The following CHRM2 variants were observed in gnomAD, a reference collection of about 807,000 sequenced individuals.
CHRM2 encodes muscarinic acetylcholine receptor M2.
Under a neutral mutation model 25.0 loss-of-function variants are expected in CHRM2, and 8 were observed. That is an observed-to-expected ratio of 0.32 (90% CI 0.19 to 0.58). The LOEUF (loss-of-function observed/expected upper bound fraction) is 0.58, where lower values mean the gene tolerates loss of function less well. CHRM2 is among the 20% of genes least tolerant of loss of function. The probability of loss-of-function intolerance (pLI) is 0.88; values close to 1 mark genes in which losing one functional copy is unlikely to be tolerated. For synonymous variants in CHRM2, 202 were observed against 205.7 expected (o/e 0.98, Z 0.15); for missense variants, 440 against 567.1 (o/e 0.78, Z 2.28).
At chr7:136,913,074 ATT>A (rs1196669140) in intron 2 of CHRM2, among the ~76,000 whole-genome samples, 1 of 151,942 alleles carries the variant, frequency 6.6e-6, no homozygotes, top group Non-Finnish European at 1.5e-5. Context: ...TTTATATGTT[ATT>A]TCATAGTAAA....
chr7:136,876,799 C>G (rs1796068965), intron 2 of CHRM2, among the ~76,000 whole-genome samples: 4 of 152,002 alleles, frequency 2.6e-5, no homozygotes, highest in Admixed American at 2.0e-4. Flanking sequence ...GAATATTGAC[C>G]TCTTGGCAGA....
chr7:136,994,725 C>T (rs894688715), intron 3 of CHRM2, among the ~76,000 whole-genome samples: 3 of 151,184 alleles, frequency 2.0e-5, no homozygotes, highest in African/African-American at 4.8e-5. Flanking sequence ...TCAAGTTATA[C>T]ACAATAAAAT....
At chr7:136,931,880 G>T (rs1799126077) in intron 2 of CHRM2, among the ~76,000 whole-genome samples, 2 of 152,178 alleles carry the variant, frequency 1.3e-5, no homozygotes, top group South Asian at 4.1e-4. Flanking sequence ...TCAGTAGATT[G>T]ATCAGAGATA....
chr7:136,892,459 A>C (rs1584706292), intron 2 of CHRM2, among the ~76,000 whole-genome samples: 1 of 151,136 alleles, frequency 6.6e-6, no homozygotes, highest in African/African-American at 2.5e-5. Context: ...GCTCAAGGAC[A>C]AGAAAAAAAA....
intron 2 of CHRM2, among the ~76,000 whole-genome samples, chr7:136,919,435 T>C (rs1177450501): frequency 2.0e-5 from 3 of 152,158 alleles, no homozygotes; most frequent in Admixed American, 6.5e-5. Flanking sequence ...TCAAATTACT[T>C]GAAATCTCAC....
At chr7:136,938,994 T>C (rs1056591176) in intron 2 of CHRM2, among the ~76,000 whole-genome samples, 2 of 123,652 alleles carry the variant, frequency 1.6e-5, no homozygotes, top group African/African-American at 3.0e-5. Flanking sequence ...AACATTAATA[T>C]AATTCCAATT....
Position 136,930,898 on chromosome 7 carries a change from CAAAAAAAAAAAAAA to C in CHRM2, c.-124-61273_-124-61260del, listed in dbSNP as rs57705639. 2.6e-3 allele frequency among the ~76,000 whole-genome samples: 162 copies of C among 61,150 alleles called. 3 individuals are homozygous for C. Among genetic ancestry groups the C allele is most frequent in the Admixed American group, 0.014 (50 of 3,672 alleles). The allele number at this position is 61,150 out of a possible 152,430, so 40.1% of individuals were successfully genotyped here. On this transcript the variant is annotated intron_variant, in intron 2 of 3. Transcript: ENST00000680005. ...GGCTACAGAGCCAGACTCATTCTCT[CAAAAAAAAAAAAAA>C]AAAAAAAAAAAAAAAGGATAGAAAG...
intron 2 of CHRM2, among the ~76,000 whole-genome samples, chr7:136,886,358 G>A (rs1796464302): frequency 6.6e-6 from 1 of 152,168 alleles, no homozygotes; most frequent in Non-Finnish European, 1.5e-5. Context: ...TCATTCATAT[G>A]TGTACAGTAA....
At chr7:136,926,202 A>G (rs1315922202) in intron 2 of CHRM2, among the ~76,000 whole-genome samples, 1 of 152,166 alleles carries the variant, frequency 6.6e-6, no homozygotes, top group Non-Finnish European at 1.5e-5. Flanking sequence ...TGCACTCCAG[A>G]CTGACAGTAA....
At chr7:136,885,119 G>A (rs2130527774) in intron 2 of CHRM2, among the ~76,000 whole-genome samples, 1 of 152,302 alleles carries the variant, frequency 6.6e-6, no homozygotes, top group Admixed American at 6.5e-5. Flanking sequence ...TTTAGAAAAT[G>A]TTTTATTCAT....
At chr7:136,938,610 C>T in intron 2 of CHRM2, 1 of 879,734 alleles carries the variant, frequency 1.1e-6, no homozygotes, top group Non-Finnish European at 1.9e-6. Flanking sequence ...CTGCTGCTGT[C>T]CACTCGGGAG....
In CHRM2 at chr7:137,015,019, C is replaced by T. The variant is rs1011147170; in HGVS notation, c.154C>T (p.Arg52Cys). 7 of 1,613,178 alleles carry T rather than the reference C, an allele frequency of 4.3e-6. No homozygotes were observed. Among genetic ancestry groups the T allele is most frequent in the Non-Finnish European group, 5.9e-6 (7 of 1,179,564 alleles). ...ILVMVSIKVN[R>C]HLQTVNNYFL... ...AGTCATGGTTTCCATTAAAGTCAAC[C>T]GCCACCTCCAGACCGTCAACAATTA... The change falls in exon 4 of 4, where the codon CGC becomes TGC. Residue 52 changes from arginine (R) to cysteine (C), a missense_variant. Coordinates refer to ENST00000680005, the MANE Select transcript of CHRM2 (RefSeq NM_001006630.2). This position sits in a 1 kb window ranked among gnomAD's most constrained non-coding sequence, Gnocchi z 5.1.
At chr7:136,936,957 G>A (rs1446964384) in intron 2 of CHRM2, among the ~76,000 whole-genome samples, 4 of 152,084 alleles carry the variant, frequency 2.6e-5, no homozygotes, top group Admixed American at 1.3e-4. Flanking sequence ...GGTCATCCAT[G>A]CCTTCAAATC....
chr7:136,974,024 C>T (rs1460388226), intron 2 of CHRM2, among the ~76,000 whole-genome samples: 1 of 152,120 alleles, frequency 6.6e-6, no homozygotes, highest in Non-Finnish European at 1.5e-5. Flanking sequence ...GTCACTTACA[C>T]TTTTTGCCTT....
At chr7:136,928,837 C>G (rs760042388) in intron 2 of CHRM2, among the ~76,000 whole-genome samples, 55 of 152,102 alleles carry the variant, frequency 3.6e-4, no homozygotes, top group Admixed American at 9.8e-4. Flanking sequence ...GAGGTTTTGG[C>G]CACTATTTAA....
At chr7:136,878,173 G>A (rs1384246423) in intron 2 of CHRM2, among the ~76,000 whole-genome samples, 1 of 151,940 alleles carries the variant, frequency 6.6e-6, no homozygotes, top group African/African-American at 2.4e-5. Flanking sequence ...GTTCTTTGGA[G>A]AGCATCAGGG....
chr7:136,952,389 G>A (rs1158586), intron 2 of CHRM2, among the ~76,000 whole-genome samples: 98,352 of 151,856 alleles, frequency 0.65, 32,354 homozygotes, highest in African/African-American at 0.71. Context: ...TATTTAAAGC[G>A]TATCGAAGAT....
chr7:137,000,809 G>A (rs917188201), intron 3 of CHRM2, among the ~76,000 whole-genome samples: 1 of 151,024 alleles, frequency 6.6e-6, no homozygotes, highest in African/African-American at 2.4e-5. Context: ...TTTATCCTTT[G>A]GCTTTTATAT....
At chr7:137,003,178 G>T (rs1804168405) in intron 3 of CHRM2, among the ~76,000 whole-genome samples, 1 of 152,112 alleles carries the variant, frequency 6.6e-6, no homozygotes, top group Non-Finnish European at 1.5e-5. Context: ...ATTTCTGCCA[G>T]CAAATCTCTT....
Sources: gnomAD v4.1 joint callset for allele counts (sites outside exome capture counted in the v4.1 genomes callset) on GRCh38, gnomAD v4.1.1 for gene constraint, Gnocchi (gnomAD v3.1) non-coding constraint, MANE v1.5 for transcripts, NCBI Gene and HGNC (gene_info 2026-07-23, HGNC 2026-07-21) for gene names.